Variants in NAV2 observed in about 807,000 individuals in gnomAD.
NAV2 encodes the protein neuron navigator 2.
A neutral mutation model predicts 223.2 loss-of-function variants in NAV2; 54 were observed. That is an observed-to-expected ratio of 0.24 (90% CI 0.19 to 0.30). The LOEUF (loss-of-function observed/expected upper bound fraction) is 0.30. Ranked by LOEUF, NAV2 falls within the 10% of genes least tolerant of loss-of-function variation. The probability of loss-of-function intolerance (pLI) is 1.00; values close to 1 mark genes in which losing one functional copy is unlikely to be tolerated. For synonymous variants in NAV2, 1,279 were observed against 1,239.3 expected, an observed-to-expected ratio of 1.03 and a Z score of -0.67; for missense variants, 2,806 against 3,147.5, an observed-to-expected ratio of 0.89 and a Z score of 2.60.
intron 1 of NAV2, among the ~76,000 whole-genome samples, chr11:19,685,510 G>T (rs1421772651): frequency 6.6e-6 from 1 of 152,154 alleles, no homozygotes; most frequent in East Asian, 1.9e-4. Flanking sequence ...TTAAGGAAGA[G>T]GAGGAAGGGT....
chr11:20,034,198 A>AT (rs972085830), intron 11 of NAV2, among the ~76,000 whole-genome samples: 1 of 151,068 alleles, frequency 6.6e-6, no homozygotes. Flanking sequence ...CAGGGTATCT[A>AT]TTTTTTTCTA....
intron 20 of NAV2, among the ~76,000 whole-genome samples, chr11:20,066,113 T>C (rs766454133): frequency 1.3e-5 from 2 of 152,226 alleles, no homozygotes; most frequent in Admixed American, 6.5e-5. Flanking sequence ...GAATAATGAA[T>C]GTAAAGTGCT....
intron 1 of NAV2, among the ~76,000 whole-genome samples, chr11:19,733,356 A>G (rs574783643): frequency 6.6e-6 from 1 of 152,298 alleles, no homozygotes; most frequent in South Asian, 2.1e-4. Context: ...TCTAGGTCAC[A>G]TGGCTGGTAA....
Position 20,035,885 on chromosome 11 carries a change from G to A in NAV2, c.2769-74G>A, listed in dbSNP as rs1038524781. ...TTGGATCTTTTCGGGGATGGTGTTT[G>A]TCTGTCTGTGTCATCAGCCTGAGCT... On this transcript the variant is annotated intron_variant, in intron 11 of 37. Coordinates refer to ENST00000349880, the MANE Select transcript of NAV2 (RefSeq NM_145117.5). 9 of 1,573,410 alleles carry A rather than the reference G, an allele frequency of 5.7e-6. No homozygotes were observed. The East Asian group carries it at 1.6e-4, about 28-fold the overall frequency.
At chr11:19,404,756 G>T (rs1849823983) in intron 1 of NAV2, among the ~76,000 whole-genome samples, 1 of 152,080 alleles carries the variant, frequency 6.6e-6, no homozygotes, top group African/African-American at 2.4e-5. Flanking sequence ...CAGCAATTTT[G>T]CACTTTAAAC....
At chr11:19,563,168 C>T (rs537927396) in intron 1 of NAV2, among the ~76,000 whole-genome samples, 22 of 152,208 alleles carry the variant, frequency 1.4e-4, no homozygotes, top group African/African-American at 4.8e-4. Flanking sequence ...AGAGAAGATC[C>T]GAAATCTTTT....
At chr11:20,051,560 T>G (rs2058011090) in intron 17 of NAV2, among the ~76,000 whole-genome samples, 1 of 152,190 alleles carries the variant, frequency 6.6e-6, no homozygotes, top group Non-Finnish European at 1.5e-5. Context: ...CTTAATGTGG[T>G]AAAACCATCT....
At chr11:19,845,670 C>T (rs550935668) in intron 3 of NAV2, among the ~76,000 whole-genome samples, 1 of 152,170 alleles carries the variant, frequency 6.6e-6, no homozygotes, top group African/African-American at 2.4e-5. Flanking sequence ...AAGAAGGCAC[C>T]TTTTCCTCCC....
intron 1 of NAV2, among the ~76,000 whole-genome samples, chr11:19,623,701 T>C (rs892124725): frequency 1.3e-5 from 2 of 152,248 alleles, no homozygotes; most frequent in Admixed American, 1.3e-4. Flanking sequence ...TTCTTTGCGA[T>C]GGGTTCGAAC....
At chr11:19,608,523 G>A in intron 1 of NAV2, among the ~76,000 whole-genome samples, 1 of 152,248 alleles carries the variant, frequency 6.6e-6, no homozygotes, top group Non-Finnish European at 1.5e-5. Context: ...CAATTGAAAT[G>A]ACAGTGTTTA....
chr11:19,932,659 C>A (rs1740016495), intron 6 of NAV2, among the ~76,000 whole-genome samples: 1 of 152,206 alleles, frequency 6.6e-6, no homozygotes, highest in South Asian at 2.1e-4. Flanking sequence ...GAAAAACTTA[C>A]ATGCTTTAAT....
intron 1 of NAV2, among the ~76,000 whole-genome samples, chr11:19,732,419 A>C (rs1362152347): frequency 6.6e-6 from 1 of 152,236 alleles, no homozygotes; most frequent in Non-Finnish European, 1.5e-5. Flanking sequence ...GATGAAAAGT[A>C]GACCATTCAT....
At chr11:20,018,605 C>T (rs1305548751) in intron 11 of NAV2, among the ~76,000 whole-genome samples, 1 of 152,124 alleles carries the variant, frequency 6.6e-6, no homozygotes, top group Non-Finnish European at 1.5e-5. Flanking sequence ...ATGGAATAAT[C>T]AGTTCCATTT....
intron 1 of NAV2, among the ~76,000 whole-genome samples, chr11:19,619,531 C>T (rs1188711092): frequency 7.9e-5 from 12 of 152,094 alleles, no homozygotes; most frequent in Admixed American, 6.5e-4. Flanking sequence ...CATTTTTTCA[C>T]GTGTCTGTTG....
chr11:20,043,635 T>G (rs2153582332), intron 12 of NAV2, among the ~76,000 whole-genome samples: 1 of 152,106 alleles, frequency 6.6e-6, no homozygotes, highest in Admixed American at 6.6e-5. Flanking sequence ...AGAGATGGGG[T>G]TTTGCCATGA....
chr11:19,924,306 A>G (rs10444227), intron 6 of NAV2, among the ~76,000 whole-genome samples: 1 of 151,288 alleles, frequency 6.6e-6, no homozygotes, highest in South Asian at 2.1e-4. Flanking sequence ...AAAAAAAAAA[A>G]AAAAACAAAA....
chr11:20,078,080 A>T lies in NAV2; in HGVS notation c.5155A>T (p.Asn1719Tyr). ...AAQAAINGVINTPELNCKGNG... is the reference protein window; with the variant it reads ...AAQAAINGVIYTPELNCKGNG... ...CCAGGCTGCCATTAATGGAGTAATT[A>T]ACACACCTGAGCTCAACTGCAAAGG... The change falls in exon 24 of 38, where the codon AAC becomes TAC. Residue 1719 changes from asparagine to tyrosine, a missense_variant. Transcript: ENST00000349880. 1.2e-6 allele frequency: 2 copies of T among 1,613,504 alleles called. No homozygotes were observed. Among genetic ancestry groups the T allele is most frequent in the Non-Finnish European group, 1.7e-6 (2 of 1,179,734 alleles).
intron 1 of NAV2, among the ~76,000 whole-genome samples, chr11:19,429,485 T>A (rs1850965718): frequency 2.6e-5 from 4 of 152,194 alleles, no homozygotes; most frequent in Admixed American, 2.6e-4. Flanking sequence ...GCAGTAGGAC[T>A]CCAGTCTCTC....
intron 1 of NAV2, among the ~76,000 whole-genome samples, chr11:19,472,319 C>A (rs1352300247): frequency 6.6e-6 from 1 of 152,058 alleles, no homozygotes; most frequent in African/African-American, 2.4e-5. Context: ...TGATGTTGGA[C>A]AATTATTTCA....
Sources: gnomAD v4.1 joint callset for allele counts (sites outside exome capture counted in the v4.1 genomes callset) on GRCh38, gnomAD v4.1.1 for gene constraint, MANE v1.5 for transcripts, NCBI Gene and HGNC (gene_info 2026-07-23, HGNC 2026-07-21) for gene names.